The following KCNE3 variants were observed in gnomAD, a reference collection of about 807,000 sequenced individuals.
The protein encoded by KCNE3 is potassium voltage-gated channel subfamily E regulatory subunit 3.
KCNE3 carries 2 observed loss-of-function variants against 4.3 expected under a neutral mutation model. That is an observed-to-expected ratio of 0.47 (90% CI 0.19 to 1.48). The LOEUF is 1.48. Ranked by LOEUF, KCNE3 falls within the 40% of genes most tolerant of loss-of-function variation. The pLI, the probability that KCNE3 is intolerant of heterozygous loss-of-function variation, is 0.25. For missense variants in KCNE3, 128 were observed against 136.8 expected (o/e 0.94, Z 0.32); for synonymous variants, 47 against 52.0 (o/e 0.90, Z 0.41).
rs143697964 is a variant in KCNE3 at position 74,460,698 on chromosome 11, A to G, written c.-41+1257T>C. On this transcript the variant is annotated intron_variant, in intron 2 of 2. Transcript: ENST00000310128. ...TAGTGTAGGATGTGGGGCAGGAGAG[A>G]GAGGATCCAGATCATGGGGGGCCTT... Among the ~76,000 whole-genome samples the G allele has an allele frequency of 2.6e-3, 393 of 152,322 alleles. 6 individuals are homozygous for G. Among genetic ancestry groups the G allele is most frequent in the African/African-American group, 8.9e-3 (371 of 41,572 alleles).
At chr11:74,459,755 T>C (rs1863909733) in intron 2 of KCNE3, among the ~76,000 whole-genome samples, 2 of 152,142 alleles carry the variant, frequency 1.3e-5, no homozygotes, top group Non-Finnish European at 2.9e-5. Flanking sequence ...TGTCCTCTTG[T>C]TTTTGATAAG....
At chr11:74,458,386 T>A (rs913961368) in intron 2 of KCNE3, among the ~76,000 whole-genome samples, 3 of 152,248 alleles carry the variant, frequency 2.0e-5, no homozygotes, top group African/African-American at 7.2e-5. Context: ...TTGTCCATGA[T>A]CACAGAATAT....
rs1863833656 is a variant in KCNE3 at position 74,457,064 on chromosome 11, C to A, written c.*188G>T. 8.0e-6 allele frequency: 5 copies of A among 627,028 alleles called. No individual in the cohort carries two copies. Among genetic ancestry groups the A allele is most frequent in the Non-Finnish European group, 1.4e-5 (5 of 354,160 alleles). 38.8% of individuals were successfully genotyped at this position (627,028 alleles called of 1,614,324 possible). Reference sequence around the variant, plus strand: ...AGTCTATCTTTTCCTGGGAAAAAATCCTTATGCACAAGGCTTCGGTCTACC... The same window carrying A: ...AGTCTATCTTTTCCTGGGAAAAAATACTTATGCACAAGGCTTCGGTCTACC... On this transcript the variant is annotated 3_prime_UTR_variant, in exon 3 of 3. Coordinates refer to ENST00000310128, the MANE Select transcript of KCNE3 (RefSeq NM_005472.5).
intron 2 of KCNE3, among the ~76,000 whole-genome samples, chr11:74,460,412 C>T (rs772344655): frequency 2.0e-5 from 3 of 152,230 alleles, no homozygotes; most frequent in Non-Finnish European, 2.9e-5. Context: ...GGCTCAGATC[C>T]AGTGCCTTCG....
intron 2 of KCNE3, among the ~76,000 whole-genome samples, chr11:74,460,861 G>A (rs1294754008): frequency 6.6e-6 from 1 of 152,196 alleles, no homozygotes; most frequent in Non-Finnish European, 1.5e-5. Context: ...GAGGGAGCTG[G>A]AATTGAGGCA....
At position 74,455,027 on chromosome 11, in the gene KCNE3, A is replaced by G. The variant is rs541444340; in HGVS notation, c.*2225T>C. The G allele has an allele frequency of 2.0e-5, 3 of 152,250 alleles. No individual in the cohort carries two copies. Among genetic ancestry groups the G allele is most frequent in the Non-Finnish European group, 4.4e-5 (3 of 68,040 alleles). 9.4% of individuals were successfully genotyped at this position (152,250 alleles called of 1,614,324 possible). On this transcript the variant is annotated 3_prime_UTR_variant, in exon 3 of 3. Transcript: ENST00000310128. ...CAGCACAGGTTTGCAGAGCATCAACATAACTGCATATGGCAGCAAATGTGT... is the reference window on the plus strand; with the variant it reads ...CAGCACAGGTTTGCAGAGCATCAACGTAACTGCATATGGCAGCAAATGTGT...
chr11:74,455,094 A>T lies in KCNE3; in HGVS notation c.*2158T>A, dbSNP rs1043085611. On this transcript the variant is annotated 3_prime_UTR_variant, in exon 3 of 3. Transcript: ENST00000310128. ...CAAGAACCCAAAGGCTTTTATTTTT[A>T]TTTTTTCAAAATAGAAGTACCTTTT... 2 of 152,114 alleles carry T rather than the reference A, an allele frequency of 1.3e-5. No homozygotes were observed. Among genetic ancestry groups the T allele is most frequent in the Non-Finnish European group, 2.9e-5 (2 of 68,012 alleles). 9.4% of individuals were successfully genotyped at this position (152,114 alleles called of 1,614,324 possible). A position where few individuals can be genotyped will look rare whatever the true frequency, so the allele number is the denominator to read the frequency against.
chr11:74,463,077 C>T (rs746897098), intron 1 of KCNE3, among the ~76,000 whole-genome samples: 10 of 152,050 alleles, frequency 6.6e-5, no homozygotes, highest in Non-Finnish European at 1.3e-4. Flanking sequence ...ATATCCCAGT[C>T]GAGCCAAACT....
intron 1 of KCNE3, among the ~76,000 whole-genome samples, chr11:74,463,330 C>A (rs1042135780): frequency 1.3e-5 from 2 of 152,096 alleles, no homozygotes; most frequent in Non-Finnish European, 2.9e-5. Flanking sequence ...TTCCACATCT[C>A]TAGGTGCTGG....
rs978419298 is a variant in KCNE3, at chr11:74,457,322, C to T, written c.242G>A (p.Arg81His). The T allele has an allele frequency of 1.1e-5, 17 of 1,614,072 alleles. No homozygotes were observed. The East Asian group carries it at 1.1e-4, about 11-fold the overall frequency. The change falls in exon 3 of 3, where the codon CGC becomes CAC. Residue 81 changes from arginine (R) to histidine (H), a missense_variant. By Grantham distance (29) the Arg-to-His change is conservative. Transcript: ENST00000310128. ...TVGSLILGYT[R>H]SRKVDKRSDP... ...ACTACGCTTGTCCACTTTGCGGGAG[C>T]GGGTGTATCCCAGGATGAGGCTGCC...
intron 1 of KCNE3, among the ~76,000 whole-genome samples, chr11:74,463,946 T>G (rs1308726910): frequency 6.6e-6 from 1 of 152,172 alleles, no homozygotes. Context: ...GCACCACAGA[T>G]TCTCGCCAAT....
chr11:74,455,256 T>C lies in KCNE3; in HGVS notation c.*1996A>G, dbSNP rs995146594. The C allele has an allele frequency of 3.3e-5, 5 of 152,230 alleles. No individual in the cohort carries two copies. Among genetic ancestry groups the C allele is most frequent in the Admixed American group, 6.5e-5 (1 of 15,288 alleles). The allele number at this position is 152,230 out of a possible 1,614,324, so 9.4% of individuals were successfully genotyped here. On this transcript the variant is annotated 3_prime_UTR_variant, in exon 3 of 3. Coordinates refer to ENST00000310128, the MANE Select transcript of KCNE3 (RefSeq NM_005472.5). ...CTGTCAGAATATTATTTCAGAGTTC[T>C]GCTATACACAAATACGCATGTTTCA...
Position 74,457,417 on chromosome 11 carries a change from G to C in KCNE3, c.147C>G (p.Ser49Arg), listed in dbSNP as rs1305934372. 1.9e-6 allele frequency: 3 copies of C among 1,613,644 alleles called. No homozygotes were observed. Among genetic ancestry groups the C allele is most frequent in the Non-Finnish European group, 2.5e-6 (3 of 1,179,634 alleles). Residue 49 changes from serine to arginine, a missense_variant, in exon 3 of 3, where the codon AGC becomes AGG. Physicochemically the swap from Ser to Arg is moderately radical, Grantham distance 110. Coordinates refer to ENST00000310128, the MANE Select transcript of KCNE3 (RefSeq NM_005472.5). ...PDNQTEERRA[S>R]LPGRDDNSYM... ...AGGAGTTGTCATCACGGCCAGGTAG[G>C]CTGGCCCGCCTCTCTTCAGTCTGGT...
At position 74,457,371 on chromosome 11, in the gene KCNE3, T is replaced by G; in HGVS notation, c.193A>C (p.Met65Leu). The stretch of plus-strand genomic sequence containing the variant: ...CCCACAGTTACAGCAAATAGAAACA[T>G]GACAAAGAGAATGTACATGTAGGAG... ...DNSYMYILFVMFLFAVTVGSL... is the reference protein window; with the variant it reads ...DNSYMYILFVLFLFAVTVGSL... The change falls in exon 3 of 3, where the codon ATG becomes CTG. Residue 65 changes from methionine (M) to leucine (L), a missense_variant. Physicochemically the swap from Met to Leu is conservative, Grantham distance 15 (BLOSUM62 2). Coordinates refer to ENST00000310128, the MANE Select transcript of KCNE3 (RefSeq NM_005472.5). 1.2e-6 allele frequency: 2 copies of G among 1,614,168 alleles called. No homozygotes were observed. The highest frequency in any genetic ancestry group is 2.2e-5 in the South Asian group (2 of 91,088).
In KCNE3 at chr11:74,455,996, T is replaced by C. The variant is rs1405465582; in HGVS notation, c.*1256A>G. On this transcript the variant is annotated 3_prime_UTR_variant, in exon 3 of 3. Coordinates refer to ENST00000310128, the MANE Select transcript of KCNE3 (RefSeq NM_005472.5). ...GCCCACCTTGGCAGTATCAGTCTTT[T>C]AGAAGCAGATTCAACATGACATCAG... 1.3e-5 allele frequency: 2 copies of C among 151,540 alleles called. No homozygotes were observed. Among genetic ancestry groups the C allele is most frequent in the Admixed American group, 6.6e-5 (1 of 15,210 alleles). 9.4% of individuals were successfully genotyped at this position (151,540 alleles called of 1,614,324 possible). A position where few individuals can be genotyped will look rare whatever the true frequency, so the allele number is the denominator to read the frequency against.
intron 2 of KCNE3, among the ~76,000 whole-genome samples, chr11:74,460,385 T>G (rs1383233802): frequency 6.6e-6 from 1 of 152,180 alleles, no homozygotes; most frequent in Non-Finnish European, 1.5e-5. Flanking sequence ...CCACACCCTG[T>G]GATGGGAGTT....
chr11:74,466,192 C>G (rs1864054118), intron 1 of KCNE3, among the ~76,000 whole-genome samples: 1 of 152,238 alleles, frequency 6.6e-6, no homozygotes, highest in Admixed American at 6.5e-5. Context: ...CTTTATCACT[C>G]TAAGTCTATA....
In KCNE3 at chr11:74,457,436, G is replaced by A. The variant is rs1863846509; in HGVS notation, c.128C>T (p.Thr43Ile). ...AGGTAGGCTGGCCCGCCTCTCTTCA[G>A]TCTGGTTGTCTGGCCCCAGCCCTGG... ...PGPGLGPDNQTEERRASLPGR... is the reference protein window; with the variant it reads ...PGPGLGPDNQIEERRASLPGR... Residue 43 changes from threonine (T) to isoleucine (I), a missense_variant, in exon 3 of 3, where the codon ACT becomes ATT. Physicochemically the swap from Thr to Ile is moderately conservative, Grantham distance 89. Coordinates refer to ENST00000310128, the MANE Select transcript of KCNE3 (RefSeq NM_005472.5). 1 of 1,613,982 alleles carries A rather than the reference G, an allele frequency of 6.2e-7. No homozygotes were observed. Among genetic ancestry groups the A allele is most frequent in the Admixed American group, 1.7e-5 (1 of 60,028 alleles).
intron 1 of KCNE3, among the ~76,000 whole-genome samples, chr11:74,465,527 C>T (rs527288552): frequency 2.2e-4 from 34 of 152,164 alleles, no homozygotes; most frequent in Non-Finnish European, 4.4e-4. Flanking sequence ...AAAACACCAG[C>T]AATGGCTTTG....
Sources: gnomAD v4.1 joint callset for allele counts (sites outside exome capture counted in the v4.1 genomes callset) on GRCh38, gnomAD v4.1.1 for gene constraint, MANE v1.5 for transcripts, NCBI Gene and HGNC (gene_info 2026-07-23, HGNC 2026-07-21) for gene names.